The following TP63 variants were observed in gnomAD, a reference collection of about 807,000 sequenced individuals.
The protein encoded by TP63 is tumor protein p63, also known as tumor protein 63.
In TP63, 17 loss-of-function variants were observed where a neutral mutation model predicts 82.8. The ratio of observed to expected loss-of-function variants is 0.21; its 90% CI spans 0.14 to 0.31. The LOEUF (loss-of-function observed/expected upper bound fraction) is 0.31, where lower values mean the gene tolerates loss of function less well. TP63 is among the 10% of genes least tolerant of loss of function. The pLI is 1.00. For synonymous variants in TP63, 330 were observed against 321.7 expected (o/e 1.03, Z -0.28); for missense variants, 648 against 895.3 (o/e 0.72, Z 3.52).
At chr3:189,695,060 C>G (rs1250133486) in intron 1 of TP63, among the ~76,000 whole-genome samples, 1 of 151,772 alleles carries the variant, frequency 6.6e-6, no homozygotes, top group East Asian at 1.9e-4. Flanking sequence ...CCTTGACAGC[C>G]TATTCTTTAA....
chr3:189,801,402 T>G (rs1726292293), intron 3 of TP63, among the ~76,000 whole-genome samples: 1 of 152,166 alleles, frequency 6.6e-6, no homozygotes, highest in Admixed American at 6.5e-5. Flanking sequence ...TCTGCTTAGT[T>G]TGATACTTCT....
intron 1 of TP63, among the ~76,000 whole-genome samples, chr3:189,666,069 C>T (rs1466965116): frequency 6.6e-6 from 1 of 151,956 alleles, no homozygotes; most frequent in Non-Finnish European, 1.5e-5. Flanking sequence ...GAAAAGACAT[C>T]AGAACCCAGT....
chr3:189,690,823 C>T (rs1221012992), intron 1 of TP63, among the ~76,000 whole-genome samples: 1 of 152,088 alleles, frequency 6.6e-6, no homozygotes, highest in Non-Finnish European at 1.5e-5. Context: ...TTCTTTGTGA[C>T]CTTTGCCTTT....
At chr3:189,648,223 C>A (rs1486207701) in intron 1 of TP63, among the ~76,000 whole-genome samples, 1 of 147,038 alleles carries the variant, frequency 6.8e-6, no homozygotes, top group Non-Finnish European at 1.5e-5. Context: ...TTTATTGCAA[C>A]CTGACCCCCT....
intron 3 of TP63, among the ~76,000 whole-genome samples, chr3:189,774,162 T>G (rs537955795): frequency 6.6e-6 from 1 of 152,184 alleles, no homozygotes; most frequent in African/African-American, 2.4e-5. Flanking sequence ...GATCTCGTGA[T>G]CCGCCCGCCT....
chr3:189,649,110 T>C (rs977252274), intron 1 of TP63, among the ~76,000 whole-genome samples: 6 of 147,244 alleles, frequency 4.1e-5, no homozygotes, highest in African/African-American at 1.5e-4. Flanking sequence ...GTATCTTCAG[T>C]CCATAAATGA....
rs1721491865 is a variant in TP63 at position 189,896,580 on chromosome 3, A to G, written c.*2078A>G. The G allele has an allele frequency of 4.7e-6, 1 of 211,326 alleles. No homozygotes were observed. The highest frequency in any genetic ancestry group is 1.9e-4 in the South Asian group (1 of 5,320). The allele number at this position is 211,326 out of a possible 1,614,324, so 13.1% of individuals were successfully genotyped here. A position where few individuals can be genotyped will look rare whatever the true frequency, so the allele number is the denominator to read the frequency against. On this transcript the variant is annotated 3_prime_UTR_variant, in exon 14 of 14. Transcript: ENST00000264731. ...CAGCTTTGCAAACCCATTAAGGGGA[A>G]GAATGAAAGCTGTTCCTTGGTCCTA...
At chr3:189,873,016 T>C in intron 10 of TP63, 21 bp downstream of exon 10, 2 of 1,614,072 alleles carry the variant, frequency 1.2e-6, no homozygotes. Context: ...CAACGTGTCA[T>C]TTTAGGAGGC....
intron 1 of TP63, among the ~76,000 whole-genome samples, chr3:189,657,807 T>C (rs1436282684): frequency 6.6e-6 from 1 of 152,102 alleles, no homozygotes; most frequent in Non-Finnish European, 1.5e-5. Flanking sequence ...TGTTCAAGTG[T>C]TTGTATACTT....
chr3:189,762,907 T>C (rs1457116079), intron 3 of TP63, among the ~76,000 whole-genome samples: 6 of 152,172 alleles, frequency 3.9e-5, no homozygotes, highest in African/African-American at 1.4e-4. Context: ...TGCTGAAATA[T>C]TGAGGGATCG....
intron 6 of TP63, 89 bp from the exon 7 acceptor site, chr3:189,867,744 T>A (rs533860752): frequency 8.4e-7 from 1 of 1,194,036 alleles, no homozygotes; most frequent in South Asian, 1.3e-5. Context: ...TCATCAGAAG[T>A]GGAATTCCTT....
chr3:189,888,449 CT>C (rs1257684362), intron 11 of TP63, among the ~76,000 whole-genome samples: 2 of 152,114 alleles, frequency 1.3e-5, no homozygotes, highest in Non-Finnish European at 2.9e-5. Context: ...AGTTTGCCTA[CT>C]TTTTTTCTTA....
chr3:189,670,940 AACATGATAAATGCTTTAGG>A (rs1311481144), intron 1 of TP63, among the ~76,000 whole-genome samples: 1 of 152,066 alleles, frequency 6.6e-6, no homozygotes, highest in Non-Finnish European at 1.5e-5. Flanking sequence ...ACCAGAAGAA[AACATGATAAATGCTTTAGG>A]ACATTGGTCT....
chr3:189,688,741 C>T (rs1245777128), intron 1 of TP63, among the ~76,000 whole-genome samples: 1 of 152,094 alleles, frequency 6.6e-6, no homozygotes, highest in Non-Finnish European at 1.5e-5. Context: ...AAAGCAAATA[C>T]GTTGTTGTTT....
At chr3:189,891,850 G>A (rs1043808463) in intron 13 of TP63, among the ~76,000 whole-genome samples, 2 of 152,142 alleles carry the variant, frequency 1.3e-5, no homozygotes, top group Non-Finnish European at 2.9e-5. Context: ...TGGACTGCGG[G>A]AAGAAGACAG....
chr3:189,631,695 T>G, intron 1 of TP63, 118 bp downstream of exon 1: 1 of 1,591,850 alleles, frequency 6.3e-7, no homozygotes, highest in Non-Finnish European at 8.6e-7. Context: ...ACAGTGATAT[T>G]ATTTTGGACT....
intron 3 of TP63, among the ~76,000 whole-genome samples, chr3:189,762,133 T>C (rs1722630080): frequency 6.6e-6 from 1 of 152,234 alleles, no homozygotes; most frequent in Admixed American, 6.5e-5. Context: ...TCAGTTAATT[T>C]CTTCAGGATT....
At chr3:189,704,349 T>C (rs77458386) in intron 1 of TP63, among the ~76,000 whole-genome samples, 2,263 of 152,346 alleles carry the variant, frequency 0.015, 51 homozygotes, top group African/African-American at 0.052. Flanking sequence ...TTTTCATTAC[T>C]TCCCTTGTGA....
intron 1 of TP63, among the ~76,000 whole-genome samples, chr3:189,675,692 G>A (rs368334322): frequency 6.6e-6 from 1 of 151,976 alleles, no homozygotes; most frequent in Non-Finnish European, 1.5e-5. Flanking sequence ...ACTGTGGCAC[G>A]GTTATGTCTC....
Sources: gnomAD v4.1 joint callset for allele counts (sites outside exome capture counted in the v4.1 genomes callset) on GRCh38, gnomAD v4.1.1 for gene constraint, MANE v1.5 for transcripts, NCBI Gene and HGNC (gene_info 2026-07-23, HGNC 2026-07-21) for gene names.